AGBL1: variants seen among roughly 807,000 people sequenced by gnomAD.
AGBL1 encodes the protein AGBL carboxypeptidase 1, also known as cytosolic carboxypeptidase 4.
Under a neutral mutation model 118.9 loss-of-function variants are expected in AGBL1, and 130 were observed. The observed-to-expected ratio is 1.09, with a 90% CI of 0.95 to 1.26. AGBL1 has a LOEUF of 1.26. AGBL1 is among the 50% of genes most tolerant of loss of function. AGBL1 has a pLI of 0.00. For missense variants in AGBL1, 1,584 were observed against 1,298.1 expected (o/e 1.22, Z -3.38); for synonymous variants, 555 against 478.9 (o/e 1.16, Z -2.08).
At chr15:86,195,274 T>A (rs2077783978) in intron 5 of AGBL1, among the ~76,000 whole-genome samples, 1 of 152,168 alleles carries the variant, frequency 6.6e-6, no homozygotes, top group Non-Finnish European at 1.5e-5. Context: ...GAAGGGTACC[T>A]TGGTGAAGGG....
chr15:86,786,414 T>C (rs1184538543), intron 22 of AGBL1, among the ~76,000 whole-genome samples: 1 of 152,122 alleles, frequency 6.6e-6, no homozygotes, highest in Non-Finnish European at 1.5e-5. Context: ...CAGTCATCAA[T>C]ACGTACAAAG....
intron 22 of AGBL1, among the ~76,000 whole-genome samples, chr15:86,870,787 C>T (rs574529497): frequency 3.3e-5 from 5 of 152,144 alleles, no homozygotes; most frequent in Admixed American, 2.6e-4. Context: ...GCTGTCTATA[C>T]TATAGGGGAT....
chr15:86,332,443 G>C (rs942310585), intron 17 of AGBL1, among the ~76,000 whole-genome samples: 2 of 151,916 alleles, frequency 1.3e-5, no homozygotes, highest in Admixed American at 6.6e-5. Context: ...TCAGGAGATC[G>C]AGACCATCCT....
chr15:86,732,826 G>GGGTTCTCT (rs2077543207), intron 22 of AGBL1, among the ~76,000 whole-genome samples: 1 of 151,314 alleles, frequency 6.6e-6, no homozygotes, highest in Non-Finnish European at 1.5e-5. Context: ...CTGAGCATTA[G>GGGTTCTCT]AAGATATATT....
chr15:86,081,066 C>G (rs1203330140), intron 1 of AGBL1, among the ~76,000 whole-genome samples: 1 of 152,122 alleles, frequency 6.6e-6, no homozygotes, highest in Non-Finnish European at 1.5e-5. Context: ...TTTGTTGAGA[C>G]AGCGTCTCAC....
intron 17 of AGBL1, chr15:86,296,817 A>G (rs758838407): frequency 6.6e-6 from 1 of 152,214 alleles, no homozygotes; most frequent in Non-Finnish European, 1.5e-5. Flanking sequence ...GGAGACAGCA[A>G]TCCTCCCAGG....
At chr15:86,203,188 T>C (rs1188195964) in intron 5 of AGBL1, among the ~76,000 whole-genome samples, 1 of 152,064 alleles carries the variant, frequency 6.6e-6, no homozygotes, top group Non-Finnish European at 1.5e-5. Context: ...AAGTTGGGAG[T>C]TCACATCTGG....
chr15:86,972,156 C>T (rs539055361), intron 23 of AGBL1, among the ~76,000 whole-genome samples: 5 of 151,940 alleles, frequency 3.3e-5, no homozygotes, highest in Non-Finnish European at 7.4e-5. Context: ...TGGATAAGAC[C>T]TCAGAATCCA....
chr15:86,935,249 C>G (rs554143025), intron 23 of AGBL1: 1 of 152,234 alleles, frequency 6.6e-6, no homozygotes, highest in South Asian at 2.1e-4. Flanking sequence ...GAGGGTCGTT[C>G]AGTGTTTTAC....
At chr15:86,999,012 C>A (rs1172857677) in intron 24 of AGBL1, among the ~76,000 whole-genome samples, 1 of 150,930 alleles carries the variant, frequency 6.6e-6, no homozygotes, top group African/African-American at 2.4e-5. Context: ...TCCCTTCCCC[C>A]ACCCCATAGC....
chr15:86,117,950 C>G (rs1027613521), intron 1 of AGBL1, among the ~76,000 whole-genome samples: 2 of 152,210 alleles, frequency 1.3e-5, no homozygotes, highest in Admixed American at 6.5e-5. Flanking sequence ...GAATAACTGT[C>G]AAGACTTGCT....
chr15:86,772,530 T>C (rs1455511386), intron 22 of AGBL1, among the ~76,000 whole-genome samples: 1 of 152,058 alleles, frequency 6.6e-6, no homozygotes, highest in Non-Finnish European at 1.5e-5. Context: ...AAATCATCTG[T>C]TCCTTGGTGG....
rs2080406403 is a variant in AGBL1 at position 86,915,383 on chromosome 15, T to C, written c.*8089T>C. 6.6e-6 allele frequency: 1 copy of C among 152,176 alleles called. No individual in the cohort carries two copies. Among genetic ancestry groups the C allele is most frequent in the Non-Finnish European group, 1.5e-5 (1 of 68,042 alleles). 9.4% of individuals were successfully genotyped at this position (152,176 alleles called of 1,614,324 possible). A position where few individuals can be genotyped will look rare whatever the true frequency, so the allele number is the denominator to read the frequency against. ...TTTTCAGATCCAGCCACTACGTAAT[T>C]TTCTGGTCTCTTCTCTTGACATCAG... On this transcript the variant is annotated 3_prime_UTR_variant, in exon 23 of 23. Transcript: ENST00000614907.
At chr15:86,355,157 C>T (rs1567214452) in intron 17 of AGBL1, among the ~76,000 whole-genome samples, 1 of 152,198 alleles carries the variant, frequency 6.6e-6, no homozygotes, top group Non-Finnish European at 1.5e-5. Context: ...CTGTGAGATA[C>T]ATGGGTATTG....
At chr15:86,591,344 C>T (rs1226850348) in intron 21 of AGBL1, among the ~76,000 whole-genome samples, 1 of 152,186 alleles carries the variant, frequency 6.6e-6, no homozygotes, top group Non-Finnish European at 1.5e-5. Flanking sequence ...CAATTCAGTT[C>T]TGATGCTATC....
intron 19 of AGBL1, among the ~76,000 whole-genome samples, chr15:86,539,831 T>G (rs760358978): frequency 3.9e-5 from 6 of 152,088 alleles, no homozygotes; most frequent in Non-Finnish European, 8.8e-5. Context: ...CCTGGAAGTG[T>G]GCAACTGTTC....
At chr15:86,889,641 G>A (rs2080022032) in intron 22 of AGBL1, among the ~76,000 whole-genome samples, 1 of 152,118 alleles carries the variant, frequency 6.6e-6, no homozygotes, top group Non-Finnish European at 1.5e-5. Context: ...GTGAGAACAT[G>A]TGGTGTTTGG....
chr15:86,557,385 C>G (rs1450731039), intron 21 of AGBL1, among the ~76,000 whole-genome samples: 2 of 152,202 alleles, frequency 1.3e-5, no homozygotes, highest in African/African-American at 4.8e-5. Flanking sequence ...GGCTGGGCCC[C>G]AGGGGTTGCT....
chr15:86,490,931 A>G (rs1335872783), intron 18 of AGBL1, among the ~76,000 whole-genome samples: 1 of 152,142 alleles, frequency 6.6e-6, no homozygotes, highest in East Asian at 1.9e-4. Context: ...TGATGATTGT[A>G]TCACCAGCCT....
Sources: gnomAD v4.1 joint callset for allele counts (sites outside exome capture counted in the v4.1 genomes callset) on GRCh38, gnomAD v4.1.1 for gene constraint, MANE v1.5 for transcripts, NCBI Gene and HGNC (gene_info 2026-07-23, HGNC 2026-07-21) for gene names.